Variants in MBD5 observed in about 807,000 individuals in gnomAD.
MBD5 encodes methyl-CpG-binding domain protein 5.
MBD5 carries 13 observed loss-of-function variants against 117.3 expected under a neutral mutation model. That is an observed-to-expected ratio of 0.11 (90% confidence interval 0.07 to 0.18). The LOEUF is 0.18. Among genes scored for constraint, MBD5 ranks in the 10% least tolerant of loss-of-function variants. The pLI is 1.00. For missense variants in MBD5, 1,879 were observed against 2,093.8 expected (o/e 0.90, Z 2.00); for synonymous variants, 727 against 766.4 (o/e 0.95, Z 0.85).
intron 1 of MBD5, among the ~76,000 whole-genome samples, chr2:148,116,242 A>T (rs1574030919): frequency 6.6e-6 from 1 of 151,344 alleles, no homozygotes; most frequent in Non-Finnish European, 1.5e-5. Context: ...GGAAATATAG[A>T]GTTCTTTATA....
intron 2 of MBD5, among the ~76,000 whole-genome samples, chr2:148,202,711 G>A (rs945089659): frequency 8.6e-5 from 13 of 152,024 alleles, no homozygotes; most frequent in Admixed American, 8.5e-4. Flanking sequence ...AACTTCAATG[G>A]TAAATAACTT....
intron 6 of MBD5, among the ~76,000 whole-genome samples, chr2:148,462,973 A>G (rs1357809940): frequency 6.6e-6 from 1 of 152,108 alleles, no homozygotes; most frequent in African/African-American, 2.4e-5. Flanking sequence ...TCGGCATTTA[A>G]TAGTGCAATA....
intron 4 of MBD5, among the ~76,000 whole-genome samples, chr2:148,434,313 C>CA (rs1380938863): frequency 6.6e-6 from 1 of 151,812 alleles, no homozygotes; most frequent in Non-Finnish European, 1.5e-5. Flanking sequence ...TTAATTTTTT[C>CA]AAAGAAACAA....
chr2:148,487,127 A>T (rs754498717), intron 10 of MBD5, among the ~76,000 whole-genome samples: 2 of 152,202 alleles, frequency 1.3e-5, no homozygotes, highest in Non-Finnish European at 2.9e-5. Flanking sequence ...ACATAATCTG[A>T]TATGGAAAGA....
At chr2:148,353,959 A>G (rs1453634563) in intron 4 of MBD5, among the ~76,000 whole-genome samples, 1 of 151,842 alleles carries the variant, frequency 6.6e-6, no homozygotes, top group African/African-American at 2.4e-5. Flanking sequence ...TTCGCTATAG[A>G]TACTTCTTTG....
At chr2:148,088,125 A>G (rs1410300529) in intron 1 of MBD5, among the ~76,000 whole-genome samples, 1 of 152,126 alleles carries the variant, frequency 6.6e-6, no homozygotes, top group Non-Finnish European at 1.5e-5. Flanking sequence ...CACACGTTGA[A>G]GACAAGGCTT....
At chr2:148,212,752 T>C (rs1699457274) in intron 2 of MBD5, among the ~76,000 whole-genome samples, 1 of 152,016 alleles carries the variant, frequency 6.6e-6, no homozygotes, top group Non-Finnish European at 1.5e-5. Context: ...GATTTGGTCA[T>C]CTCTAGAGGA....
chr2:148,405,077 TC>T (rs1322150483), intron 4 of MBD5, among the ~76,000 whole-genome samples: 1 of 152,176 alleles, frequency 6.6e-6, no homozygotes, highest in African/African-American at 2.4e-5. Context: ...TCATTTCCTC[TC>T]CCTTTTCTTT....
chr2:148,472,009 C>T (rs1360881783), intron 8 of MBD5: 1 of 152,018 alleles, frequency 6.6e-6, no homozygotes, highest in East Asian at 1.9e-4. Flanking sequence ...AGTCTCATTG[C>T]ATTATACAGT....
At chr2:148,447,762 T>C (rs1453544048) in intron 4 of MBD5, 1 of 152,176 alleles carries the variant, frequency 6.6e-6, no homozygotes, top group Non-Finnish European at 1.5e-5. Flanking sequence ...AATAGAATTG[T>C]TATGTGAAAT....
intron 2 of MBD5, among the ~76,000 whole-genome samples, chr2:148,230,528 G>C (rs1297773300): frequency 6.6e-6 from 1 of 152,118 alleles, no homozygotes; most frequent in Non-Finnish European, 1.5e-5. Flanking sequence ...TAACCTGCTT[G>C]GTGCTCTGAC....
At chr2:148,248,336 G>T (rs180868846) in intron 3 of MBD5, among the ~76,000 whole-genome samples, 8 of 152,062 alleles carry the variant, frequency 5.3e-5, no homozygotes, top group Non-Finnish European at 1.2e-4. Context: ...GGTATTGTGG[G>T]TTTGCTACTG....
chr2:148,441,976 G>GT, intron 4 of MBD5, among the ~76,000 whole-genome samples: 1 of 152,044 alleles, frequency 6.6e-6, no homozygotes, highest in East Asian at 1.9e-4. Flanking sequence ...TTGTAAATTT[G>GT]TTTGAGTTCA....
Position 148,489,705 on chromosome 2 carries a change from C to G in MBD5, c.4073C>G (p.Ala1358Gly), listed in dbSNP as rs747548275. The G allele has an allele frequency of 2.5e-6, 4 of 1,614,174 alleles. No homozygotes were observed. The South Asian group carries it at 4.4e-5, about 18-fold the overall frequency. ...ATTCCAGCTCTGAGTGCCATGAGTG[C>G]CTTCACTGCCTCAATTGGTGACCCA... ...SPIPALSAMS[A>G]FTASIGDPLN... is the part of the protein sequence containing the mutation. Residue 1358 changes from alanine (A) to glycine (G), a missense_variant, in exon 11 of 14, where the codon GCC (alanine) becomes GGC (glycine). By Grantham distance (60) the Ala-to-Gly change is moderately conservative (BLOSUM62 0). This residue lies in a region of MBD5 where 1,666 missense variants were observed against 1,792.2 expected (regional missense o/e 0.93). Coordinates refer to ENST00000642680, the MANE Select transcript of MBD5 (RefSeq NM_001378120.1).
chr2:148,290,988 G>A (rs1034844508), intron 3 of MBD5, among the ~76,000 whole-genome samples: 2 of 152,074 alleles, frequency 1.3e-5, no homozygotes, highest in South Asian at 4.1e-4. Flanking sequence ...GTGTATGAGG[G>A]TTTCAGTTTC....
chr2:148,042,027 T>A (rs913695218), intron 1 of MBD5, among the ~76,000 whole-genome samples: 1 of 152,202 alleles, frequency 6.6e-6, no homozygotes, highest in Non-Finnish European at 1.5e-5. Context: ...AAGGGGACTG[T>A]CTTCTACTTC....
intron 1 of MBD5, among the ~76,000 whole-genome samples, chr2:148,162,925 G>A (rs13013758): frequency 0.23 from 34,686 of 152,088 alleles, 5,175 homozygotes; most frequent in Middle Eastern, 0.38. Context: ...AGAACTTAAT[G>A]TACCAAATAA....
rs1701948279 is a variant in MBD5, at chr2:148,308,487, C to CTTTTTTTTTTTTTTTTTTTTTTTT, written c.-679-33724_-679-33723insTTTTTTTTTTTTTTTTTTTTTTTT. 7.2e-5 allele frequency among the ~76,000 whole-genome samples: 2 copies of CTTTTTTTTTTTTTTTTTTTTTTTT among 27,698 alleles called. 1 individual carries two copies. Among genetic ancestry groups the CTTTTTTTTTTTTTTTTTTTTTTTT allele is most frequent in the Non-Finnish European group, 1.9e-4 (2 of 10,414 alleles). 18.2% of individuals were successfully genotyped at this position (27,698 alleles called of 152,430 possible). ...ACTTCTCCCACTTTTTGATGGGGTT[C>CTTTTTTTTTTTTTTTTTTTTTTTT]TTTCTTTTTTTTTTTTTTTTTTTTT... On this transcript the variant is annotated intron_variant, in intron 3 of 13. Coordinates refer to ENST00000642680, the MANE Select transcript of MBD5 (RefSeq NM_001378120.1).
At chr2:148,056,894 AT>A (rs900316076) in intron 1 of MBD5, among the ~76,000 whole-genome samples, 13 of 148,664 alleles carry the variant, frequency 8.7e-5, no homozygotes, top group East Asian at 7.8e-4. Context: ...TTTTGATGTA[AT>A]TTTTTTTTTA....
Sources: allele counts gnomAD v4.1 joint callset (sites outside exome capture counted in the v4.1 genomes callset), GRCh38; gene constraint gnomAD v4.1.1; regional missense constraint gnomAD v4.1.1; transcripts MANE v1.5; gene names NCBI Gene and HGNC (gene_info 2026-07-23, HGNC 2026-07-21).